PLSCR1: variants seen among roughly 807,000 people sequenced by gnomAD.
PLSCR1 encodes phospholipid scramblase 1.
A neutral mutation model predicts 37.8 loss-of-function variants in PLSCR1; 17 were observed. The ratio of observed to expected loss-of-function variants is 0.45; its 90% CI spans 0.31 to 0.68. The LOEUF is 0.68. Ranked by LOEUF, PLSCR1 falls within the 30% of genes least tolerant of loss-of-function variation. The pLI, the probability that PLSCR1 is intolerant of heterozygous loss-of-function variation, is 0.06. For synonymous variants in PLSCR1, 116 were observed against 125.9 expected, an observed-to-expected ratio of 0.92 and a Z score of 0.53; for missense variants, 347 against 380.9, an observed-to-expected ratio of 0.91 and a Z score of 0.74.
chr3:146,541,816 A>G (rs1201885138), intron 1 of PLSCR1, among the ~76,000 whole-genome samples: 1 of 152,150 alleles, frequency 6.6e-6, no homozygotes, highest in Non-Finnish European at 1.5e-5. Context: ...TAAGCACTCT[A>G]CCTTCATGAA....
chr3:146,540,355 A>G (rs950093465), intron 1 of PLSCR1, among the ~76,000 whole-genome samples: 12 of 152,156 alleles, frequency 7.9e-5, no homozygotes, highest in Non-Finnish European at 1.8e-4. Context: ...ATAAGTTCCC[A>G]TTGCTTCTCT....
At position 146,516,003 on chromosome 3, in the gene PLSCR1, T is replaced by C. The variant is rs919126522; in HGVS notation, c.*42A>G. On this transcript the variant is annotated 3_prime_UTR_variant, in exon 9 of 9. Transcript: ENST00000342435. ...TATGAGTTTAGATAGTCTCAATCAA[T>C]ATACAGACTTCAGATTTCCTGAGGA... is the stretch of plus-strand genomic sequence containing the variant. 3.2e-6 allele frequency: 4 copies of C among 1,236,256 alleles called. No homozygotes were observed. Among genetic ancestry groups the C allele is most frequent in the Non-Finnish European group, 3.6e-6 (3 of 836,956 alleles). The allele number at this position is 1,236,256 out of a possible 1,614,324, so 76.6% of individuals were successfully genotyped here.
intron 3 of PLSCR1, among the ~76,000 whole-genome samples, chr3:146,529,614 AC>A (rs1455921441): frequency 2.7e-5 from 4 of 150,934 alleles, no homozygotes; most frequent in Non-Finnish European, 2.9e-5. Context: ...CTGGGTTCAC[AC>A]CATTCTCCTG....
At chr3:146,534,113 C>T (rs1344439161) in intron 2 of PLSCR1, among the ~76,000 whole-genome samples, 1 of 152,180 alleles carries the variant, frequency 6.6e-6, no homozygotes, top group Non-Finnish European at 1.5e-5. Context: ...TGTTTAATTA[C>T]AATACACTAG....
intron 4 of PLSCR1, among the ~76,000 whole-genome samples, chr3:146,526,060 G>A (rs2108637401): frequency 6.6e-6 from 1 of 151,502 alleles, no homozygotes; most frequent in East Asian, 1.9e-4. Flanking sequence ...GCAGGTGCCT[G>A]TAGTCCCAGC....
At chr3:146,522,707 A>G (rs1292027179) in intron 5 of PLSCR1, among the ~76,000 whole-genome samples, 1 of 152,126 alleles carries the variant, frequency 6.6e-6, no homozygotes, top group African/African-American at 2.4e-5. Context: ...GGGGATTAGT[A>G]AAAGAGGAAG....
intron 4 of PLSCR1, among the ~76,000 whole-genome samples, chr3:146,526,183 C>CAAAAAAAA (rs60229241): frequency 1.2e-4 from 5 of 42,796 alleles, no homozygotes; most frequent in Non-Finnish European, 1.2e-4. Flanking sequence ...GACTCCATCT[C>CAAAAAAAA]AAAAAAAAAA....
chr3:146,531,544 T>C (rs1382107303), intron 3 of PLSCR1, among the ~76,000 whole-genome samples: 1 of 152,234 alleles, frequency 6.6e-6, no homozygotes, highest in East Asian at 1.9e-4. Context: ...ACTCTGAAAG[T>C]ATGATGGATT....
intron 1 of PLSCR1, chr3:146,540,846 A>G (rs962698241): frequency 2.6e-5 from 4 of 152,194 alleles, no homozygotes; most frequent in Admixed American, 2.6e-4. Context: ...CAAGTAGGCC[A>G]GGGGAACATT....
intron 4 of PLSCR1, chr3:146,528,373 T>C: frequency 3.8e-6 from 2 of 523,966 alleles, no homozygotes; most frequent in South Asian, 4.2e-5. Flanking sequence ...CAGTGCTAAT[T>C]AAATGTTTGC....
At position 146,521,725 on chromosome 3, in the gene PLSCR1, T is replaced by C; in HGVS notation, c.577-20A>G. 6.3e-7 allele frequency: 1 copy of C among 1,598,162 alleles called. No individual in the cohort carries two copies. Among genetic ancestry groups the C allele is most frequent in the Non-Finnish European group, 8.6e-7 (1 of 1,166,854 alleles). ...TTCTATCTACAAAGGCAAAATAATA[T>C]ATGTAAATGTAATAATCATAATGCC... On this transcript the variant is annotated intron_variant, in intron 6 of 8. Transcript: ENST00000342435.
chr3:146,522,050 A>G lies in PLSCR1; in HGVS notation c.359T>C (p.Leu120Ser). The G allele has an allele frequency of 6.6e-7, 1 of 1,514,942 alleles. No homozygotes were observed. The highest frequency in any genetic ancestry group is 9.2e-7 in the Non-Finnish European group (1 of 1,089,436). The allele number at this position is 1,514,942 out of a possible 1,614,324, so 93.8% of individuals were successfully genotyped here. A position where few individuals can be genotyped will look rare whatever the true frequency, so the allele number is the denominator to read the frequency against. Residue 120 changes from leucine (L) to serine (S), a missense_variant, in exon 6 of 9, where the codon TTA (leucine) becomes TCA (serine). Physicochemically the swap from Leu to Ser is moderately radical, Grantham distance 145. Coordinates refer to ENST00000342435, the MANE Select transcript of PLSCR1 (RefSeq NM_021105.3). Reference sequence around the variant, plus strand: ...TTTGTTATTAGTTTCAAAACCTGTTAAAACTAAAAACATAAAAGACGAAAT... The same window carrying G: ...TTTGTTATTAGTTTCAAAACCTGTTGAAACTAAAAACATAAAAGACGAAAT... ...IHQQIELLEV[L>S]TGFETNNKYE...
intron 8 of PLSCR1, 148 bp downstream of exon 8, chr3:146,516,858 T>C (rs2043954144): frequency 1.7e-6 from 1 of 587,064 alleles, no homozygotes; most frequent in Non-Finnish European, 2.9e-6. Flanking sequence ...CAGGATCAAA[T>C]AGAATTTCAG....
chr3:146,534,872 T>C (rs1291058522), intron 2 of PLSCR1, among the ~76,000 whole-genome samples: 5 of 151,874 alleles, frequency 3.3e-5, no homozygotes, highest in Non-Finnish European at 5.9e-5. Flanking sequence ...CGAGACTCCA[T>C]CTCAAATAAA....
At chr3:146,518,033 T>G (rs1308650236) in intron 7 of PLSCR1, among the ~76,000 whole-genome samples, 1 of 152,334 alleles carries the variant, frequency 6.6e-6, no homozygotes, top group East Asian at 1.9e-4. Flanking sequence ...AAGTGGATAG[T>G]TTGTAAAATA....
intron 1 of PLSCR1, chr3:146,536,805 G>C (rs1321748439): frequency 2.5e-6 from 1 of 395,168 alleles, no homozygotes; most frequent in Non-Finnish European, 4.8e-6. Context: ...ACATTCTAAA[G>C]CCTTTTGGGA....
chr3:146,522,021 CA>C lies in PLSCR1; in HGVS notation c.387del (p.Tyr129Ter). 1 of 1,609,578 alleles carries C rather than the reference CA, an allele frequency of 6.2e-7. No homozygotes were observed. Among genetic ancestry groups the C allele is most frequent in the Non-Finnish European group, 8.5e-7 (1 of 1,175,846 alleles). Reference sequence around the variant, plus strand: ...CTCTGTCCAAAGCTGTTCTTAATTTCATATTTGTTATTAGTTTCAAAACCTG... The same window carrying C: ...CTCTGTCCAAAGCTGTTCTTAATTTCTATTTGTTATTAGTTTCAAAACCTG... ...VLTGFETNNK[Y>X]EIKNSFGQRV... On this transcript the variant is annotated frameshift_variant, in exon 6 of 9. Transcript: ENST00000342435. LOFTEE classifies it high-confidence loss of function.
intron 1 of PLSCR1, chr3:146,536,819 G>A (rs1449586956): frequency 2.8e-6 from 1 of 363,282 alleles, no homozygotes; most frequent in Non-Finnish European, 5.2e-6. Flanking sequence ...TTTGGGAAGA[G>A]GGTCCAGTGA....
intron 7 of PLSCR1, chr3:146,517,419 A>T (rs2043962758): frequency 5.3e-6 from 1 of 190,158 alleles, no homozygotes. Flanking sequence ...TATAGACATT[A>T]ATAAATTATT....
Sources: gnomAD v4.1 joint callset for allele counts (sites outside exome capture counted in the v4.1 genomes callset) on GRCh38, gnomAD v4.1.1 for gene constraint, MANE v1.5 for transcripts, NCBI Gene and HGNC (gene_info 2026-07-23, HGNC 2026-07-21) for gene names.